The following KDM4B variants were observed in gnomAD, a reference collection of about 807,000 sequenced individuals.
The protein encoded by KDM4B is lysine demethylase 4B.
Under a neutral mutation model 125.2 loss-of-function variants are expected in KDM4B, and 32 were observed. The ratio of observed to expected loss-of-function variants is 0.26; its 90% CI spans 0.19 to 0.34. The LOEUF is 0.34. Ranked by LOEUF, KDM4B falls within the 10% of genes least tolerant of loss-of-function variation. KDM4B has a pLI of 1.00. For missense variants in KDM4B, 1,190 were observed against 1,577.7 expected, an observed-to-expected ratio of 0.75 and a Z score of 4.16; for synonymous variants, 721 against 677.9, an observed-to-expected ratio of 1.06 and a Z score of -0.99.
intron 1 of KDM4B, among the ~76,000 whole-genome samples, chr19:4,974,637 T>C (rs766553595): frequency 6.9e-6 from 1 of 144,914 alleles, no homozygotes; most frequent in Non-Finnish European, 1.5e-5. Flanking sequence ...ACTCGGGATG[T>C]GGGGGCACGA....
At chr19:5,072,021 G>A (rs1396714044) in intron 7 of KDM4B, among the ~76,000 whole-genome samples, 1 of 152,174 alleles carries the variant, frequency 6.6e-6, no homozygotes, top group African/African-American at 2.4e-5. Flanking sequence ...CCCTGTCCGA[G>A]CACCCCGCCC....
intron 2 of KDM4B, among the ~76,000 whole-genome samples, chr19:5,029,742 G>C (rs748859516): frequency 7.2e-5 from 11 of 152,228 alleles, no homozygotes; most frequent in Non-Finnish European, 1.6e-4. Context: ...CGGGAGGATG[G>C]CTTGAGCCCA....
chr19:5,110,471 C>A, intron 9 of KDM4B, 151 bp from the exon 10 acceptor site: 6 of 722,828 alleles, frequency 8.3e-6, no homozygotes, highest in Non-Finnish European at 1.4e-5. Flanking sequence ...GACCGTGTCT[C>A]GAAAAGAAAA....
chr19:5,113,842 C>T (rs922678526), intron 10 of KDM4B: 3 of 975,100 alleles, frequency 3.1e-6, no homozygotes, highest in Non-Finnish European at 3.7e-6. Flanking sequence ...TCCAGCCTTC[C>T]CTGCCCTCGG....
chr19:5,143,777 G>T (rs899507095), intron 18 of KDM4B, among the ~76,000 whole-genome samples, 190 bp from the exon 19 acceptor site: 17 of 152,202 alleles, frequency 1.1e-4, no homozygotes, highest in African/African-American at 4.1e-4. Flanking sequence ...GGCTGGGTCA[G>T]TGGGTCTGGA....
intron 11 of KDM4B, among the ~76,000 whole-genome samples, chr19:5,127,419 C>T (rs891623873): frequency 6.6e-5 from 10 of 152,170 alleles, no homozygotes; most frequent in East Asian, 3.9e-4. Flanking sequence ...TGTGTCTGCC[C>T]GGGCTTCACT....
Position 4,971,988 on chromosome 19 carries a change from A to G in KDM4B, c.-109+2758A>G, listed in dbSNP as rs400263. ...CCGCAGGCCTGCACTGGTCACCGCCATGACAGATCGGCCGTCCTCATCCAC... is the reference window on the plus strand; with the variant it reads ...CCGCAGGCCTGCACTGGTCACCGCCGTGACAGATCGGCCGTCCTCATCCAC... On this transcript the variant is annotated intron_variant, in intron 1 of 22. Coordinates refer to ENST00000159111, the MANE Select transcript of KDM4B (RefSeq NM_015015.3). This position sits in a 1 kb window ranked among gnomAD's most constrained non-coding sequence, Gnocchi z 4.1. 0.38 allele frequency among the ~76,000 whole-genome samples: 57,384 copies of G among 151,704 alleles called. 11,432 individuals carry two copies. The highest frequency in any genetic ancestry group is 0.73 in the East Asian group (3,655 of 5,034).
At chr19:5,111,566 C>A in intron 10 of KDM4B, 1 of 756,350 alleles carries the variant, frequency 1.3e-6, no homozygotes, top group South Asian at 1.4e-5. Flanking sequence ...CCTCCCCAGC[C>A]CCTCCTCTGG....
intron 2 of KDM4B, among the ~76,000 whole-genome samples, chr19:5,030,709 G>T (rs780493280): frequency 6.6e-6 from 1 of 152,214 alleles, no homozygotes; most frequent in Admixed American, 6.5e-5. Flanking sequence ...GCTGTGTGCC[G>T]TGTGGCCTAG....
chr19:5,039,865 G>T lies in KDM4B; in HGVS notation c.171G>T (p.Arg57=). Residue 57 remains arginine (R), a synonymous_variant, in exon 4 of 23, where the codon CGG becomes CGT. Coordinates refer to ENST00000159111, the MANE Select transcript of KDM4B (RefSeq NM_015015.3). ...KIIPPKEWKP[R]QTYDDIDDVV... is the part of the protein sequence containing the mutation. ...TCCCCCCGAAGGAGTGGAAGCCGCG[G>T]CAGACGTATGATGACATCGACGACG... 6.8e-6 allele frequency: 11 copies of T among 1,612,840 alleles called. No homozygotes were observed. The highest frequency in any genetic ancestry group is 9.3e-6 in the Non-Finnish European group (11 of 1,179,828).
intron 18 of KDM4B, 127 bp downstream of exon 18, chr19:5,138,197 C>A (rs2039683198): frequency 1.5e-6 from 1 of 685,188 alleles, no homozygotes; most frequent in South Asian, 1.8e-5. Flanking sequence ...GGGTGGTGGG[C>A]AGCTTTCAGG....
At chr19:5,039,648 C>T (rs1297932818) in intron 3 of KDM4B, among the ~76,000 whole-genome samples, 188 bp from the exon 4 acceptor site, 1 of 151,984 alleles carries the variant, frequency 6.6e-6, no homozygotes, top group African/African-American at 2.4e-5. Context: ...AGGTGAGGCC[C>T]TTGTTGGCTG....
intron 9 of KDM4B, among the ~76,000 whole-genome samples, chr19:5,084,441 T>C (rs917019633): frequency 3.6e-5 from 5 of 140,426 alleles, no homozygotes; most frequent in African/African-American, 7.8e-5. Flanking sequence ...ATATAAATTA[T>C]ATATGTTATA....
In KDM4B at chr19:5,146,955, A is replaced by C. The variant is rs555637207; in HGVS notation, c.3021+2053A>C. Among the ~76,000 whole-genome samples the C allele has an allele frequency of 4.6e-5, 7 of 150,658 alleles. No homozygotes were observed. In the East Asian group the frequency reaches 9.7e-4, roughly 21 times the overall value. ...CCCTGTCTCCAAAAAAAAAAAAAAA[A>C]AAAAAAACAAAAACTCTGCTGGGAA... On this transcript the variant is annotated intron_variant, in intron 21 of 22. Transcript: ENST00000159111.
chr19:5,132,355 G>A (rs139183951), intron 13 of KDM4B, among the ~76,000 whole-genome samples: 47 of 152,288 alleles, frequency 3.1e-4, no homozygotes, highest in Admixed American at 9.1e-4. Context: ...AGGCTCCCGC[G>A]AAGCTTTGAG....
chr19:5,115,106 C>T lies in KDM4B; in HGVS notation c.1115+4288C>T, dbSNP rs1321071103. Among the ~76,000 whole-genome samples, 1 of 152,182 alleles carries T rather than the reference C, an allele frequency of 6.6e-6. No homozygotes were observed. The highest frequency in any genetic ancestry group is 1.5e-5 in the Non-Finnish European group (1 of 68,026). ...GCAGGGAAGGGTGGGCAGGAGACCCCATGGGCCGGCAACCAGGAGGACAGC... is the reference window on the plus strand; with the variant it reads ...GCAGGGAAGGGTGGGCAGGAGACCCTATGGGCCGGCAACCAGGAGGACAGC... On this transcript the variant is annotated intron_variant, in intron 10 of 22. Coordinates refer to ENST00000159111, the MANE Select transcript of KDM4B (RefSeq NM_015015.3). This position sits in a 1 kb window ranked among gnomAD's most constrained non-coding sequence, Gnocchi z 4.2.
At chr19:5,019,522 G>A (rs1215975080) in intron 2 of KDM4B, among the ~76,000 whole-genome samples, 47 of 148,234 alleles carry the variant, frequency 3.2e-4, no homozygotes, top group Non-Finnish European at 5.8e-4. Flanking sequence ...GGGTGTTGGT[G>A]TGCACGTATT....
chr19:5,019,476 GTGT>G, intron 2 of KDM4B, among the ~76,000 whole-genome samples: 1 of 143,874 alleles, frequency 7.0e-6, no homozygotes. Flanking sequence ...GTGGGTGTTG[GTGT>G]TGGTGTGCAG....
Position 5,082,748 on chromosome 19 carries a change from G to A in KDM4B, c.918+244G>A, listed in dbSNP as rs1031548886. Among the ~76,000 whole-genome samples, 1 of 152,230 alleles carries A rather than the reference G, an allele frequency of 6.6e-6. No homozygotes were observed. The highest frequency in any genetic ancestry group is 1.5e-5 in the Non-Finnish European group (1 of 68,028). The stretch of plus-strand genomic sequence containing the variant: ...TGGTGGCCCAGGGCCCATCTCCAGC[G>A]AGTTCCATACACCAGTTATCCCTCG... On this transcript the variant is annotated intron_variant, in intron 9 of 22. Transcript: ENST00000159111. The surrounding 1 kb of genome is among the most constrained non-coding windows in gnomAD (Gnocchi z 5.4).
Sources: gnomAD v4.1 joint callset for allele counts (sites outside exome capture counted in the v4.1 genomes callset) on GRCh38, gnomAD v4.1.1 for gene constraint, Gnocchi (gnomAD v3.1) non-coding constraint, MANE v1.5 for transcripts, NCBI Gene and HGNC (gene_info 2026-07-23, HGNC 2026-07-21) for gene names.